Variants in CA10 observed in about 807,000 individuals in gnomAD.
CA10 encodes the protein carbonic anhydrase-related protein 10.
A neutral mutation model predicts 44.2 loss-of-function variants in CA10; 14 were observed. The observed-to-expected ratio is 0.32, with a 90% CI of 0.21 to 0.50. The LOEUF is 0.50. CA10 is among the 20% of genes least tolerant of loss of function. The probability of loss-of-function intolerance (pLI) is 0.99; values close to 1 mark genes in which losing one functional copy is unlikely to be tolerated. For missense variants in CA10, 350 were observed against 409.7 expected (o/e 0.85, Z 1.26); for synonymous variants, 159 against 141.6 (o/e 1.12, Z -0.87).
chr17:51,658,319 CT>C (rs1383322682), intron 4 of CA10, among the ~76,000 whole-genome samples: 1 of 152,164 alleles, frequency 6.6e-6, no homozygotes, highest in Non-Finnish European at 1.5e-5. Context: ...GGTCTTTGTC[CT>C]CCTAGAGATA....
chr17:51,979,300 A>G (rs1984570393), intron 2 of CA10, among the ~76,000 whole-genome samples: 1 of 152,158 alleles, frequency 6.6e-6, no homozygotes, highest in African/African-American at 2.4e-5. Flanking sequence ...CAGAACAAAT[A>G]TCTTAGTAAT....
chr17:52,158,353 C>G lies in CA10; in HGVS notation c.-567G>C, dbSNP rs568961867. 5.4e-6 allele frequency: 1 copy of G among 184,566 alleles called. No individual in the cohort carries two copies. 11.4% of individuals were successfully genotyped at this position (184,566 alleles called of 1,614,324 possible). A position where few individuals can be genotyped will look rare whatever the true frequency, so the allele number is the denominator to read the frequency against. On this transcript the variant is annotated 5_prime_UTR_variant, in exon 1 of 9. Coordinates refer to ENST00000451037, the MANE Select transcript of CA10 (RefSeq NM_020178.5). The stretch of plus-strand genomic sequence containing the variant: ...ATGGTCGGAGGGTGGCTGCTGCGCT[C>G]CGGGGCAGTTCTTCTCCTGCTTCCG...
At chr17:51,928,159 A>T (rs1482216682) in intron 3 of CA10, among the ~76,000 whole-genome samples, 1 of 152,182 alleles carries the variant, frequency 6.6e-6, no homozygotes, top group African/African-American at 2.4e-5. Context: ...GAAACAAAAA[A>T]TTCATGTATG....
chr17:51,661,919 G>C (rs1454310532), intron 4 of CA10: 1 of 152,208 alleles, frequency 6.6e-6, no homozygotes, highest in Non-Finnish European at 1.5e-5. Context: ...ACTCAATTCT[G>C]CTTTTATAAT....
chr17:52,023,814 C>T (rs1478963623), intron 2 of CA10, among the ~76,000 whole-genome samples: 1 of 151,966 alleles, frequency 6.6e-6, no homozygotes, highest in Non-Finnish European at 1.5e-5. Context: ...GGGCAACAGA[C>T]ATAATTTGTG....
At chr17:51,639,440 G>A (rs539021161) in intron 6 of CA10, among the ~76,000 whole-genome samples, 2 of 152,184 alleles carry the variant, frequency 1.3e-5, no homozygotes, top group Admixed American at 6.5e-5. Flanking sequence ...AAAAGATTGG[G>A]GGCCGAGGTA....
At chr17:51,718,815 C>T (rs549159265) in intron 4 of CA10, among the ~76,000 whole-genome samples, 4 of 152,150 alleles carry the variant, frequency 2.6e-5, no homozygotes, top group South Asian at 4.2e-4. Context: ...CTTGGTTGAC[C>T]GTGGGAAGAA....
intron 2 of CA10, among the ~76,000 whole-genome samples, chr17:51,992,893 T>C (rs1215672674): frequency 6.6e-6 from 1 of 152,074 alleles, no homozygotes; most frequent in Non-Finnish European, 1.5e-5. Context: ...ATTATCAAGA[T>C]TTACAGAATA....
chr17:52,052,917 G>A (rs1172717378), intron 2 of CA10, among the ~76,000 whole-genome samples: 1 of 151,926 alleles, frequency 6.6e-6, no homozygotes, highest in Admixed American at 6.6e-5. Context: ...CAGTGTGTAT[G>A]AGTATGTGTG....
At chr17:51,652,245 C>A (rs920770745) in intron 5 of CA10, among the ~76,000 whole-genome samples, 2 of 152,190 alleles carry the variant, frequency 1.3e-5, no homozygotes, top group Non-Finnish European at 2.9e-5. Flanking sequence ...TAAGATACAA[C>A]ACGAATGTTC....
chr17:51,912,309 C>A (rs570202804), intron 3 of CA10, among the ~76,000 whole-genome samples: 1 of 152,190 alleles, frequency 6.6e-6, no homozygotes, highest in South Asian at 2.1e-4. Flanking sequence ...TAATCCTTAC[C>A]ACCATTTTAA....
intron 1 of CA10, among the ~76,000 whole-genome samples, chr17:52,081,079 A>G (rs1161016768): frequency 6.6e-6 from 1 of 152,148 alleles, no homozygotes; most frequent in Non-Finnish European, 1.5e-5. Flanking sequence ...CTTTTGTGTA[A>G]ACCTAATACA....
At chr17:51,707,975 A>G (rs1915814327) in intron 4 of CA10, among the ~76,000 whole-genome samples, 1 of 152,182 alleles carries the variant, frequency 6.6e-6, no homozygotes, top group African/African-American at 2.4e-5. Context: ...TCATGGAGAC[A>G]CTTAAAGCAG....
In CA10 at chr17:52,158,051, C is replaced by T; in HGVS notation, c.-265G>A. The T allele has an allele frequency of 1.8e-6, 1 of 545,754 alleles. No homozygotes were observed. Among genetic ancestry groups the T allele is most frequent in the Admixed American group, 3.2e-5 (1 of 31,042 alleles). The allele number at this position is 545,754 out of a possible 1,614,324, so 33.8% of individuals were successfully genotyped here. A position where few individuals can be genotyped will look rare whatever the true frequency, so the allele number is the denominator to read the frequency against. On this transcript the variant is annotated 5_prime_UTR_variant, in exon 1 of 9. Transcript: ENST00000451037. ...GATGCCTCGCTGCCTTGGAGGTCTC[C>T]CCGCTCGCGTGTCTCTTCTCTTCGC...
intron 1 of CA10, among the ~76,000 whole-genome samples, chr17:52,098,638 T>C (rs187795827): frequency 3.9e-5 from 6 of 152,292 alleles, no homozygotes; most frequent in Admixed American, 1.3e-4. Flanking sequence ...TATGGAGATA[T>C]GTTTTTGTAT....
At chr17:52,084,260 G>A (rs569531997) in intron 1 of CA10, among the ~76,000 whole-genome samples, 34 of 152,266 alleles carry the variant, frequency 2.2e-4, no homozygotes, top group Admixed American at 2.2e-3. Flanking sequence ...GCCATGGTGG[G>A]ACATAAAGCC....
rs541047213 is a variant in CA10 at position 52,106,765 on chromosome 17, CTTTGT to C, written c.62-34377_62-34373del. ...TTAAAACATTTAGACTAACTTGGTT[CTTTGT>C]TTTATTTATTCACTTCCATGCATTA... On this transcript the variant is annotated intron_variant, in intron 1 of 8. Coordinates refer to ENST00000451037, the MANE Select transcript of CA10 (RefSeq NM_020178.5). 1.4e-4 allele frequency among the ~76,000 whole-genome samples: 22 copies of C among 152,256 alleles called. No homozygotes were observed. The East Asian group carries it at 3.3e-3, about 23-fold the overall frequency.
chr17:51,898,980 T>C (rs1981194911), intron 3 of CA10, among the ~76,000 whole-genome samples: 1 of 152,012 alleles, frequency 6.6e-6, no homozygotes, highest in Non-Finnish European at 1.5e-5. Context: ...TCAATCTTAT[T>C]TGTTCTTTCA....
At chr17:51,941,764 T>G (rs180698404) in intron 2 of CA10, among the ~76,000 whole-genome samples, 1 of 152,300 alleles carries the variant, frequency 6.6e-6, no homozygotes, top group Non-Finnish European at 1.5e-5. Context: ...TCTTCAGCCT[T>G]TGTAAATTCT....
Sources: gnomAD v4.1 joint callset for allele counts (sites outside exome capture counted in the v4.1 genomes callset) on GRCh38, gnomAD v4.1.1 for gene constraint, MANE v1.5 for transcripts, NCBI Gene and HGNC (gene_info 2026-07-23, HGNC 2026-07-21) for gene names.